DNM1L: variants seen among roughly 807,000 people sequenced by gnomAD.
DNM1L encodes dynamin-1-like protein.
A neutral mutation model predicts 92.8 loss-of-function variants in DNM1L; 33 were observed. The ratio of observed to expected loss-of-function variants is 0.36; its 90% CI spans 0.27 to 0.48. DNM1L has a LOEUF of 0.48. Ranked by LOEUF, DNM1L falls within the 20% of genes least tolerant of loss-of-function variation. The pLI is 0.99. For missense variants in DNM1L, 485 were observed against 888.8 expected (o/e 0.55, Z 5.78); for synonymous variants, 284 against 305.0 (o/e 0.93, Z 0.72).
intron 6 of DNM1L, among the ~76,000 whole-genome samples, 198 bp downstream of exon 6, chr12:32,713,569 A>G (rs1953221981): frequency 6.6e-6 from 1 of 152,230 alleles, no homozygotes; most frequent in Admixed American, 6.5e-5. Context: ...AGACTAGGCG[A>G]AAATATTTTA....
chr12:32,738,565 T>C (rs976869273), intron 16 of DNM1L, among the ~76,000 whole-genome samples: 4 of 152,230 alleles, frequency 2.6e-5, no homozygotes, highest in African/African-American at 9.6e-5. Flanking sequence ...TTCCTAGATT[T>C]CAGAGATGGA....
chr12:32,679,527 C>T, intron 1 of DNM1L, 62 bp downstream of exon 1: 1 of 1,519,740 alleles, frequency 6.6e-7, no homozygotes, highest in Non-Finnish European at 9.0e-7. Flanking sequence ...GTCGGTGCTG[C>T]GGCAGTGCCC....
At chr12:32,730,877 A>G in intron 9 of DNM1L, 137 bp from the exon 10 acceptor site, 1 of 1,223,330 alleles carries the variant, frequency 8.2e-7, no homozygotes, top group Non-Finnish European at 1.2e-6. Context: ...AACACATGGT[A>G]ATGGGAATGA....
At chr12:32,686,488 A>G (rs1408132818) in intron 1 of DNM1L, among the ~76,000 whole-genome samples, 1 of 152,104 alleles carries the variant, frequency 6.6e-6, no homozygotes, top group African/African-American at 2.4e-5. Flanking sequence ...TTTCCATTTA[A>G]TGGCTGAGTA....
chr12:32,734,418 A>G (rs1168196371), intron 13 of DNM1L, among the ~76,000 whole-genome samples: 3 of 152,140 alleles, frequency 2.0e-5, no homozygotes, highest in African/African-American at 7.2e-5. Flanking sequence ...TGCTATACCA[A>G]ATTTCCTCTT....
chr12:32,697,122 G>A (rs754591148), intron 1 of DNM1L, among the ~76,000 whole-genome samples: 25 of 151,734 alleles, frequency 1.6e-4, no homozygotes, highest in Non-Finnish European at 2.9e-4. Context: ...CCAGCTACTT[G>A]GGAGGCTGAG....
rs535936313 is a variant in DNM1L at position 32,726,672 on chromosome 12, T to C, written c.1079+4039T>C. ...GGCAAGAAAATTAAAGAAAGAGTCA[T>C]TGGAAACTGTTTTAGTCACAATACG... is the stretch of plus-strand genomic sequence containing the variant. On this transcript the variant is annotated intron_variant, in intron 9 of 19. Transcript: ENST00000549701. The C allele has an allele frequency of 2.0e-5, 14 of 694,728 alleles. No homozygotes were observed. In the African/African-American group the frequency reaches 2.3e-4, roughly 11 times the overall value. 43.0% of individuals were successfully genotyped at this position (694,728 alleles called of 1,614,324 possible).
chr12:32,692,296 T>C (rs1415167975), intron 1 of DNM1L, among the ~76,000 whole-genome samples: 1 of 152,186 alleles, frequency 6.6e-6, no homozygotes, highest in African/African-American at 2.4e-5. Flanking sequence ...AGCGACAACA[T>C]GTTAAAAGTT....
intron 1 of DNM1L, among the ~76,000 whole-genome samples, chr12:32,687,660 G>C (rs530826642): frequency 7.4e-4 from 113 of 152,114 alleles, no homozygotes; most frequent in African/African-American, 2.7e-3. Context: ...ATGTTGGCCA[G>C]GCTGGTCTTG....
At chr12:32,688,934 G>T (rs1592567846) in intron 1 of DNM1L, among the ~76,000 whole-genome samples, 1 of 152,174 alleles carries the variant, frequency 6.6e-6, no homozygotes. Flanking sequence ...GTGGTGGCCT[G>T]TGCCTGTAGT....
At chr12:32,709,512 AATT>A (rs1953045682) in intron 4 of DNM1L, 1 of 152,192 alleles carries the variant, frequency 6.6e-6, no homozygotes, top group Non-Finnish European at 1.5e-5. Context: ...TTGAGGATAT[AATT>A]TACTTACCTA....
intron 2 of DNM1L, chr12:32,705,890 C>T: frequency 6.3e-7 from 1 of 1,594,092 alleles, no homozygotes. Context: ...TGCTTTTGAC[C>T]CTTTTTTTCT....
intron 1 of DNM1L, among the ~76,000 whole-genome samples, chr12:32,694,494 C>T (rs1477853343): frequency 6.6e-6 from 1 of 152,176 alleles, no homozygotes; most frequent in Non-Finnish European, 1.5e-5. Flanking sequence ...TTGGAGCGTG[C>T]ATCGGTACCT....
chr12:32,720,535 AATT>A, intron 7 of DNM1L, 126 bp from the exon 8 acceptor site: 1 of 1,396,444 alleles, frequency 7.2e-7, no homozygotes, highest in East Asian at 2.4e-5. Flanking sequence ...TGCCACATAA[AATT>A]ATTGTGAGAA....
chr12:32,709,538 C>T (rs1196688721), intron 4 of DNM1L: 1 of 152,136 alleles, frequency 6.6e-6, no homozygotes, highest in Non-Finnish European at 1.5e-5. Flanking sequence ...AGCTTTTCAT[C>T]CACAGTGTCT....
At position 32,734,688 on chromosome 12, in the gene DNM1L, A is replaced by C. The variant is rs374797668; in HGVS notation, c.1539+881A>C. On this transcript the variant is annotated intron_variant, in intron 13 of 19. Transcript: ENST00000549701. ...CCGGGCTTGGTGGCAGGTGCCTGTAATCTGAGCTACTAGGGAGGCTGAGGC... is the reference window on the plus strand; with the variant it reads ...CCGGGCTTGGTGGCAGGTGCCTGTACTCTGAGCTACTAGGGAGGCTGAGGC... 5.3e-5 allele frequency among the ~76,000 whole-genome samples: 8 copies of C among 152,300 alleles called. No individual in the cohort carries two copies. In the East Asian group the frequency reaches 1.4e-3, roughly 26 times the overall value.
chr12:32,680,987 T>C (rs1951780308), intron 1 of DNM1L, among the ~76,000 whole-genome samples: 1 of 152,228 alleles, frequency 6.6e-6, no homozygotes, highest in East Asian at 1.9e-4. Flanking sequence ...ATTAGGGATA[T>C]AGTGTGTCAG....
intron 1 of DNM1L, among the ~76,000 whole-genome samples, chr12:32,680,224 T>G (rs2201957): frequency 6.6e-6 from 1 of 151,998 alleles, no homozygotes; most frequent in South Asian, 2.1e-4. Flanking sequence ...TTTTTTTGAA[T>G]GCAGAAATGT....
chr12:32,743,459 A>G lies in DNM1L; in HGVS notation c.*49A>G, dbSNP rs1955458594. The G allele has an allele frequency of 1.9e-6, 3 of 1,555,106 alleles. No individual in the cohort carries two copies. The highest frequency in any genetic ancestry group is 2.7e-6 in the Non-Finnish European group (3 of 1,127,198). ...TTTGTTGACTCAAAACTTGCTAGTTACTGCCTACCTGAGTAGAATCTTATT... is the reference window on the plus strand; with the variant it reads ...TTTGTTGACTCAAAACTTGCTAGTTGCTGCCTACCTGAGTAGAATCTTATT... On this transcript the variant is annotated 3_prime_UTR_variant, in exon 20 of 20. Transcript: ENST00000549701.
Sources: gnomAD v4.1 joint callset for allele counts (sites outside exome capture counted in the v4.1 genomes callset) on GRCh38, gnomAD v4.1.1 for gene constraint, MANE v1.5 for transcripts, NCBI Gene and HGNC (gene_info 2026-07-23, HGNC 2026-07-21) for gene names.